The following PTPRD variants were observed in gnomAD, a reference collection of about 807,000 sequenced individuals.
PTPRD encodes the protein protein tyrosine phosphatase receptor type D.
Under a neutral mutation model 214.5 loss-of-function variants are expected in PTPRD, and 34 were observed. The ratio of observed to expected loss-of-function variants is 0.16; its 90% CI spans 0.12 to 0.21. PTPRD has a LOEUF of 0.21. Among genes scored for constraint, PTPRD ranks in the 10% least tolerant of loss-of-function variants. The probability of loss-of-function intolerance (pLI) is 1.00; values close to 1 mark genes in which losing one functional copy is unlikely to be tolerated. For synonymous variants in PTPRD, 1,128 were observed against 845.7 expected (o/e 1.33, Z -5.79); for missense variants, 2,545 against 2,398.7 (o/e 1.06, Z -1.27).
intron 2 of PTPRD, among the ~76,000 whole-genome samples, chr9:10,495,584 T>C (rs1006168826): frequency 6.6e-6 from 1 of 151,892 alleles, no homozygotes; most frequent in African/African-American, 2.4e-5. Flanking sequence ...CTTATATTCA[T>C]TGTCTCATGT....
chr9:9,089,667 C>G (rs1460484996), intron 10 of PTPRD, among the ~76,000 whole-genome samples: 1 of 152,096 alleles, frequency 6.6e-6, no homozygotes, highest in Admixed American at 6.6e-5. Flanking sequence ...TTCTCCTCTC[C>G]AATTTTTCCT....
At chr9:9,250,794 T>C (rs1467507413) in intron 9 of PTPRD, among the ~76,000 whole-genome samples, 1 of 152,026 alleles carries the variant, frequency 6.6e-6, no homozygotes, top group Admixed American at 6.6e-5. Flanking sequence ...AAATATATTA[T>C]TGGTGAAAAA....
chr9:8,520,477 AC>A (rs1385989581), intron 20 of PTPRD, among the ~76,000 whole-genome samples: 1 of 152,138 alleles, frequency 6.6e-6, no homozygotes, highest in Non-Finnish European at 1.5e-5. Flanking sequence ...CCAAATGCCT[AC>A]AACATTGCCT....
At chr9:9,261,215 G>A (rs910839404) in intron 9 of PTPRD, among the ~76,000 whole-genome samples, 6 of 151,846 alleles carry the variant, frequency 4.0e-5, no homozygotes, top group Non-Finnish European at 8.8e-5. Flanking sequence ...ATATTATTAA[G>A]CAGAGATATG....
intron 14 of PTPRD, among the ~76,000 whole-genome samples, chr9:8,592,140 T>C (rs999226379): frequency 2.6e-5 from 4 of 152,172 alleles, no homozygotes; most frequent in African/African-American, 4.8e-5. Flanking sequence ...ATAAGACATA[T>C]TGACAATACA....
chr9:9,765,963 G>A (rs966052979), intron 6 of PTPRD, among the ~76,000 whole-genome samples: 3 of 152,068 alleles, frequency 2.0e-5, no homozygotes, highest in Non-Finnish European at 4.4e-5. Flanking sequence ...CGCCCAGCCC[G>A]TAAATTCTTT....
At chr9:8,708,679 CAAAA>C (rs765081509) in intron 12 of PTPRD, among the ~76,000 whole-genome samples, 1,079 of 39,270 alleles carry the variant, frequency 0.027, 11 homozygotes, top group African/African-American at 0.09. Flanking sequence ...GACTCTGTCT[CAAAA>C]AAAAAAAAAA....
intron 12 of PTPRD, among the ~76,000 whole-genome samples, chr9:8,714,372 AC>A (rs1214925303): frequency 6.6e-6 from 1 of 151,756 alleles, no homozygotes; most frequent in Non-Finnish European, 1.5e-5. Context: ...CTTTGCAGAC[AC>A]TAGTCATATT....
At chr9:8,866,837 T>C (rs1411427589) in intron 11 of PTPRD, among the ~76,000 whole-genome samples, 2 of 152,202 alleles carry the variant, frequency 1.3e-5, no homozygotes, top group African/African-American at 2.4e-5. Flanking sequence ...TTAGAATATC[T>C]GATTCTTTGA....
At chr9:8,699,661 A>C (rs965986998) in intron 12 of PTPRD, among the ~76,000 whole-genome samples, 2 of 152,176 alleles carry the variant, frequency 1.3e-5, no homozygotes, top group African/African-American at 2.4e-5. Context: ...ATGAATGCTT[A>C]ATGTACTAAA....
chr9:10,211,879 A>G (rs969911321), intron 3 of PTPRD, among the ~76,000 whole-genome samples: 1 of 152,140 alleles, frequency 6.6e-6, no homozygotes, highest in African/African-American at 2.4e-5. Context: ...TGGTTGCACT[A>G]AAAGCCCAGA....
intron 15 of PTPRD, 101 bp downstream of exon 15, chr9:8,528,490 T>C: frequency 9.6e-7 from 1 of 1,047,022 alleles, no homozygotes; most frequent in Middle Eastern, 2.1e-4. Flanking sequence ...GAAAAATCAG[T>C]ACCTAGAAAT....
intron 3 of PTPRD, among the ~76,000 whole-genome samples, chr9:10,071,856 G>A (rs2098025099): frequency 6.6e-6 from 1 of 151,854 alleles, no homozygotes; most frequent in Non-Finnish European, 1.5e-5. Context: ...ATTATAAAAT[G>A]AACAAGCTGA....
intron 3 of PTPRD, among the ~76,000 whole-genome samples, chr9:10,322,929 T>C (rs1244645536): frequency 6.6e-6 from 1 of 151,952 alleles, no homozygotes; most frequent in Non-Finnish European, 1.5e-5. Context: ...CCAATTCTAA[T>C]GTATGGGAAT....
intron 7 of PTPRD, among the ~76,000 whole-genome samples, chr9:9,640,106 G>A (rs927629198): frequency 1.3e-5 from 2 of 152,160 alleles, no homozygotes; most frequent in Non-Finnish European, 2.9e-5. Flanking sequence ...GCCCATGTGG[G>A]ATGAGTAGAC....
chr9:9,853,010 T>A (rs1374763083), intron 5 of PTPRD, among the ~76,000 whole-genome samples: 1 of 152,202 alleles, frequency 6.6e-6, no homozygotes, highest in Admixed American at 6.5e-5. Context: ...CCTTATAGCA[T>A]CATGTACAAC....
intron 7 of PTPRD, among the ~76,000 whole-genome samples, chr9:9,640,035 T>G (rs977507724): frequency 6.6e-6 from 1 of 152,190 alleles, no homozygotes; most frequent in Non-Finnish European, 1.5e-5. Flanking sequence ...AATAATTTGT[T>G]TCCTCTTTCC....
At chr9:10,238,317 T>TA in intron 3 of PTPRD, among the ~76,000 whole-genome samples, 1 of 152,006 alleles carries the variant, frequency 6.6e-6, no homozygotes, top group South Asian at 2.1e-4. Flanking sequence ...ACTAGGACTC[T>TA]AAGACTAGTT....
intron 7 of PTPRD, among the ~76,000 whole-genome samples, chr9:9,575,179 C>G (rs765268474): frequency 6.6e-6 from 1 of 152,126 alleles, no homozygotes; most frequent in Non-Finnish European, 1.5e-5. Flanking sequence ...ACACACACAG[C>G]TGTGGCTATC....
Sources: gnomAD v4.1 joint callset for allele counts (sites outside exome capture counted in the v4.1 genomes callset) on GRCh38, gnomAD v4.1.1 for gene constraint, MANE v1.5 for transcripts, NCBI Gene and HGNC (gene_info 2026-07-23, HGNC 2026-07-21) for gene names.